WDR64: variants seen among roughly 807,000 people sequenced by gnomAD.
WDR64 encodes the protein WD repeat domain 64.
A neutral mutation model predicts 139.3 loss-of-function variants in WDR64; 112 were observed. That is an observed-to-expected ratio of 0.80 (90% CI 0.69 to 0.94). The LOEUF (loss-of-function observed/expected upper bound fraction) is 0.94, where lower values mean the gene tolerates loss of function less well. Among genes scored for constraint, WDR64 ranks in the 40% least tolerant of loss-of-function variants. WDR64 has a pLI of 0.00. For synonymous variants in WDR64, 444 were observed against 437.7 expected (o/e 1.01, Z -0.18); for missense variants, 1,206 against 1,293.1 (o/e 0.93, Z 1.03).
chr1:241,762,205 G>C (rs1445181433), intron 15 of WDR64, among the ~76,000 whole-genome samples: 2 of 152,096 alleles, frequency 1.3e-5, no homozygotes, highest in African/African-American at 4.8e-5. Flanking sequence ...GCTGCAGAAG[G>C]AATACTGTAT....
chr1:241,686,814 A>G lies in WDR64; in HGVS notation c.840-647A>G, dbSNP rs184905936. Among the ~76,000 whole-genome samples, 4 of 152,340 alleles carry G rather than the reference A, an allele frequency of 2.6e-5. No individual in the cohort carries two copies. In the East Asian group the frequency reaches 7.7e-4, roughly 29 times the overall value. On this transcript the variant is annotated intron_variant, in intron 7 of 27. Coordinates refer to ENST00000437684, the MANE Select transcript of WDR64 (RefSeq NM_001367482.1). ...AATATATTTTCAGATGGATTGATTCAAATAAGATATAAAAGAATATGAAGC... is the reference window on the plus strand; with the variant it reads ...AATATATTTTCAGATGGATTGATTCGAATAAGATATAAAAGAATATGAAGC...
At chr1:241,766,507 C>G (rs971839706) in intron 16 of WDR64, among the ~76,000 whole-genome samples, 156 bp downstream of exon 16, 1 of 152,170 alleles carries the variant, frequency 6.6e-6, no homozygotes, top group Non-Finnish European at 1.5e-5. Flanking sequence ...TCGAGATCAG[C>G]CTTACCAACA....
intron 2 of WDR64, among the ~76,000 whole-genome samples, chr1:241,669,839 C>T (rs887053613): frequency 2.6e-5 from 4 of 152,160 alleles, no homozygotes; most frequent in Non-Finnish European, 4.4e-5. Context: ...CATTTAGTCA[C>T]TAGTTCCTTT....
At chr1:241,800,027 C>G (rs1659476032) in intron 27 of WDR64, among the ~76,000 whole-genome samples, 1 of 152,122 alleles carries the variant, frequency 6.6e-6, no homozygotes, top group African/African-American at 2.4e-5. Context: ...TGCTGCAGTG[C>G]CAATGTCTGG....
chr1:241,794,231 C>T (rs532203443), intron 25 of WDR64, among the ~76,000 whole-genome samples: 1 of 152,022 alleles, frequency 6.6e-6, no homozygotes, highest in East Asian at 1.9e-4. Context: ...CCTCTACTTC[C>T]CATCCCTATC....
intron 17 of WDR64, 169 bp from the exon 18 acceptor site, chr1:241,770,452 G>A: frequency 1.8e-6 from 1 of 548,120 alleles, no homozygotes; most frequent in Non-Finnish European, 3.2e-6. Flanking sequence ...TATCATACTG[G>A]TCAACATTTA....
At chr1:241,714,714 AG>A (rs1399117021) in intron 9 of WDR64, among the ~76,000 whole-genome samples, 1 of 152,258 alleles carries the variant, frequency 6.6e-6, no homozygotes, top group Middle Eastern at 3.2e-3. Context: ...AAGATAATAT[AG>A]TAGCCTATTG....
chr1:241,735,162 G>T lies in WDR64; in HGVS notation c.1195-3201G>T, dbSNP rs980359661. Reference sequence around the variant, plus strand: ...ATATTTATAGTGTAAATATTACAATGAATATACCCCACTGCAGTTTTTCCC... The same window carrying T: ...ATATTTATAGTGTAAATATTACAATTAATATACCCCACTGCAGTTTTTCCC... On this transcript the variant is annotated intron_variant, in intron 10 of 27. Transcript: ENST00000437684. Among the ~76,000 whole-genome samples, 3 of 152,064 alleles carry T rather than the reference G, an allele frequency of 2.0e-5. No homozygotes were observed. In the South Asian group the frequency reaches 6.2e-4, roughly 32 times the overall value.
In WDR64 at chr1:241,769,566, G is replaced by A. The variant is rs895903575; in HGVS notation, c.2183+61G>A. On this transcript the variant is annotated intron_variant, in intron 17 of 27. Coordinates refer to ENST00000437684, the MANE Select transcript of WDR64 (RefSeq NM_001367482.1). Reference sequence around the variant, plus strand: ...GGGACTTAGGTGGCTGATACATTAGGTTGATGCAAAATTAATTGTGGTTTT... The same window carrying A: ...GGGACTTAGGTGGCTGATACATTAGATTGATGCAAAATTAATTGTGGTTTT... 20 of 1,386,956 alleles carry A rather than the reference G, an allele frequency of 1.4e-5. No homozygotes were observed. In the Admixed American group the frequency reaches 4.0e-4, roughly 27 times the overall value. 85.9% of individuals were successfully genotyped at this position (1,386,956 alleles called of 1,614,324 possible).
chr1:241,673,703 C>T (rs952471378), intron 3 of WDR64, among the ~76,000 whole-genome samples: 1 of 152,170 alleles, frequency 6.6e-6, no homozygotes, highest in African/African-American at 2.4e-5. Flanking sequence ...GACACCTGTT[C>T]ACTTGCCTTT....
intron 10 of WDR64, among the ~76,000 whole-genome samples, chr1:241,731,093 T>C (rs1369740194): frequency 6.6e-6 from 1 of 152,158 alleles, no homozygotes; most frequent in East Asian, 1.9e-4. Context: ...CAAAAATATA[T>C]GTGCAAAGAG....
At chr1:241,658,284 GGTGTGT>G (rs56011225) in intron 1 of WDR64, among the ~76,000 whole-genome samples, 10 of 147,268 alleles carry the variant, frequency 6.8e-5, no homozygotes, top group Non-Finnish European at 9.0e-5. Flanking sequence ...TTCAAGCAAT[GGTGTGT>G]GTGTGTGTGT....
chr1:241,718,479 C>CACAAAGG (rs1358505422), intron 9 of WDR64, among the ~76,000 whole-genome samples: 1 of 151,990 alleles, frequency 6.6e-6, no homozygotes, highest in Non-Finnish European at 1.5e-5. Flanking sequence ...ATACTAAGGG[C>CACAAAGG]ACAAAGGTAT....
chr1:241,680,583 C>T (rs1574002344), intron 6 of WDR64, among the ~76,000 whole-genome samples: 1 of 152,106 alleles, frequency 6.6e-6, no homozygotes, highest in Non-Finnish European at 1.5e-5. Flanking sequence ...CTTCACTCTC[C>T]GTCAACTCTT....
chr1:241,780,033 T>C lies in WDR64; in HGVS notation c.2566T>C (p.Ser856Pro). ...EGHVILCNIS[S>P]FLDPPHDEKK... The stretch of plus-strand genomic sequence containing the variant: ...ACATGTTATCCTTTGCAATATTAGC[T>C]CTTTCCTGGATCCACCTCATGATGA... The change falls in exon 22 of 28, where the codon TCT (serine) becomes CCT (proline). Residue 856 changes from serine to proline, a missense_variant. Coordinates refer to ENST00000437684, the MANE Select transcript of WDR64 (RefSeq NM_001367482.1). 1 of 1,589,308 alleles carries C rather than the reference T, an allele frequency of 6.3e-7. No homozygotes were observed. The highest frequency in any genetic ancestry group is 1.9e-5 in the Admixed American group (1 of 51,532).
At chr1:241,779,938 T>G (rs748212688) in intron 21 of WDR64, 66 bp from the exon 22 acceptor site, 1 of 1,244,078 alleles carries the variant, frequency 8.0e-7, no homozygotes. Flanking sequence ...AAAATAACTT[T>G]TGGATAGTAT....
intron 13 of WDR64, among the ~76,000 whole-genome samples, chr1:241,745,636 A>G (rs1669729471): frequency 6.9e-6 from 1 of 144,384 alleles, no homozygotes; most frequent in Non-Finnish European, 1.5e-5. Flanking sequence ...ATTTATTTGG[A>G]GTCAGAGTCT....
intron 15 of WDR64, among the ~76,000 whole-genome samples, chr1:241,763,446 A>G (rs1017530538): frequency 6.6e-6 from 1 of 152,240 alleles, no homozygotes; most frequent in Admixed American, 6.5e-5. Flanking sequence ...ACAGTGGCTC[A>G]CACCTGTAAT....
intron 8 of WDR64, among the ~76,000 whole-genome samples, chr1:241,705,546 A>AACAT (rs1667911754): frequency 7.7e-6 from 1 of 130,496 alleles, no homozygotes; most frequent in African/African-American, 3.0e-5. Flanking sequence ...TGTCTCTAAA[A>AACAT]AAATAAATAA....
Sources: gnomAD v4.1 joint callset for allele counts (sites outside exome capture counted in the v4.1 genomes callset) on GRCh38, gnomAD v4.1.1 for gene constraint, MANE v1.5 for transcripts, NCBI Gene and HGNC (gene_info 2026-07-23, HGNC 2026-07-21) for gene names.